The following RIPOR3 variants were observed in gnomAD, a reference collection of about 807,000 sequenced individuals.
RIPOR3 encodes RIPOR family member 3.
In RIPOR3, 95 loss-of-function variants were observed where a neutral mutation model predicts 114.3. That is an observed-to-expected ratio of 0.83 (90% confidence interval 0.70 to 0.99). RIPOR3 has a LOEUF of 0.99. Among genes scored for constraint, RIPOR3 ranks in the 50% least tolerant of loss-of-function variants. The pLI, the probability that RIPOR3 is intolerant of heterozygous loss-of-function variation, is 0.00. For missense variants in RIPOR3, 1,252 were observed against 1,266.9 expected, an observed-to-expected ratio of 0.99 and a Z score of 0.18; for synonymous variants, 575 against 543.8, an observed-to-expected ratio of 1.06 and a Z score of -0.80.
At chr20:50,639,388 C>T (rs548908840) in intron 1 of RIPOR3, among the ~76,000 whole-genome samples, 104 of 152,294 alleles carry the variant, frequency 6.8e-4, no homozygotes, top group Middle Eastern at 6.8e-3. Context: ...GCTCTGCCCC[C>T]GCTGAGCAGA....
At position 50,587,866 on chromosome 20, in the gene RIPOR3, G is replaced by A. The variant is rs746226946; in HGVS notation, c.2688C>T (p.Ala896=). The A allele has an allele frequency of 2.5e-6, 4 of 1,614,148 alleles. No individual in the cohort carries two copies. Among genetic ancestry groups the A allele is most frequent in the South Asian group, 2.2e-5 (2 of 91,082 alleles). Residue 896 remains alanine (A), a synonymous_variant, in exon 21 of 22, where the codon GCC becomes GCT. Coordinates refer to ENST00000327979, the MANE Select transcript of RIPOR3 (RefSeq NM_001290268.2). ...LKGIESIDQT[A]SLCQSDLEAV... ...CCTCCAGGTCAGACTGGCACAGGCT[G>A]GCAGTCTGGTCGATGCTTTCAATGC...
intron 1 of RIPOR3, among the ~76,000 whole-genome samples, chr20:50,689,972 G>C (rs1332152864): frequency 6.6e-6 from 1 of 152,220 alleles, no homozygotes; most frequent in African/African-American, 2.4e-5. Flanking sequence ...CCTGCTGTGT[G>C]TTTCCTGGCC....
intron 1 of RIPOR3, among the ~76,000 whole-genome samples, chr20:50,654,805 G>T (rs779017188): frequency 6.6e-5 from 10 of 152,074 alleles, no homozygotes; most frequent in Non-Finnish European, 1.2e-4. Context: ...GTGTACAGTG[G>T]TGCCATCACC....
intron 1 of RIPOR3, among the ~76,000 whole-genome samples, chr20:50,676,091 C>T (rs565106136): frequency 7.3e-4 from 111 of 152,282 alleles, no homozygotes; most frequent in Non-Finnish European, 1.3e-3. Flanking sequence ...GTTTTTCCAC[C>T]AGGAAACAAG....
At chr20:50,665,421 C>CTTTATT (rs2086153337) in intron 1 of RIPOR3, among the ~76,000 whole-genome samples, 1 of 107,856 alleles carries the variant, frequency 9.3e-6, no homozygotes, top group Non-Finnish European at 1.8e-5. Context: ...CCCCCTCTTC[C>CTTTATT]TTTTTTTTTT....
intron 2 of RIPOR3, among the ~76,000 whole-genome samples, chr20:50,621,673 C>T (rs2084410167): frequency 6.6e-6 from 1 of 152,152 alleles, no homozygotes; most frequent in South Asian, 2.1e-4. Flanking sequence ...TGTAGGGAAA[C>T]TGGGGCCAAC....
At chr20:50,640,268 G>C (rs2085140909) in intron 1 of RIPOR3, among the ~76,000 whole-genome samples, 2 of 151,940 alleles carry the variant, frequency 1.3e-5, no homozygotes, top group Non-Finnish European at 2.9e-5. Flanking sequence ...AAAGCCTGTA[G>C]GTCTGAGACC....
At chr20:50,593,237 C>T (rs1376631990) in intron 17 of RIPOR3, 41 bp from the exon 18 acceptor site, 4 of 1,590,490 alleles carry the variant, frequency 2.5e-6, no homozygotes, top group Non-Finnish European at 2.6e-6. Flanking sequence ...ACTGAGACCT[C>T]GACCCTCCAC....
At chr20:50,635,835 C>G (rs1436888727) in intron 1 of RIPOR3, among the ~76,000 whole-genome samples, 1 of 152,242 alleles carries the variant, frequency 6.6e-6, no homozygotes, top group Non-Finnish European at 1.5e-5. Context: ...TGTGCTTGCT[C>G]CCGCAGCTCT....
At chr20:50,651,400 C>T (rs1464640659) in intron 1 of RIPOR3, among the ~76,000 whole-genome samples, 2 of 152,228 alleles carry the variant, frequency 1.3e-5, no homozygotes, top group Non-Finnish European at 2.9e-5. Context: ...TGGACCAACA[C>T]AGCTGTGAGC....
chr20:50,690,618 A>G (rs905618678), intron 1 of RIPOR3, among the ~76,000 whole-genome samples: 1 of 152,174 alleles, frequency 6.6e-6, no homozygotes, highest in Non-Finnish European at 1.5e-5. Flanking sequence ...GGGGGTGTAC[A>G]GGAGAGTTTA....
chr20:50,667,286 CTTTTTTTTTTTTTT>C (rs139859156), intron 1 of RIPOR3, among the ~76,000 whole-genome samples: 8 of 67,542 alleles, frequency 1.2e-4, no homozygotes, highest in Non-Finnish European at 2.2e-4. Flanking sequence ...CTTTAAACTA[CTTTTTTTTTTTTTT>C]TTTTTTTTTT....
At chr20:50,592,241 C>T in intron 19 of RIPOR3, 103 bp downstream of exon 19, 1 of 1,213,570 alleles carries the variant, frequency 8.2e-7, no homozygotes, top group Non-Finnish European at 1.1e-6. Flanking sequence ...ACAGCTACTG[C>T]AGCCCCTGGC....
chr20:50,680,180 C>T (rs951210573), intron 1 of RIPOR3, among the ~76,000 whole-genome samples: 2 of 152,192 alleles, frequency 1.3e-5, no homozygotes, highest in Non-Finnish European at 2.9e-5. Context: ...TCAACTGAAG[C>T]CTGCATCTGA....
At chr20:50,664,613 C>T (rs560479307) in intron 1 of RIPOR3, among the ~76,000 whole-genome samples, 119 of 152,286 alleles carry the variant, frequency 7.8e-4, no homozygotes, top group African/African-American at 2.5e-3. Context: ...AATCACTCAA[C>T]GCTCAGAGCT....
chr20:50,617,158 G>C (rs1342344819), intron 3 of RIPOR3, among the ~76,000 whole-genome samples: 1 of 152,038 alleles, frequency 6.6e-6, no homozygotes, highest in African/African-American at 2.4e-5. Context: ...AGAAGGTGGG[G>C]GGCGTCTAGA....
At chr20:50,639,311 C>A (rs957356396) in intron 1 of RIPOR3, among the ~76,000 whole-genome samples, 18 of 152,058 alleles carry the variant, frequency 1.2e-4, no homozygotes, top group African/African-American at 4.1e-4. Context: ...TTGTGCAGTG[C>A]CAGGCATTGC....
intron 4 of RIPOR3, among the ~76,000 whole-genome samples, chr20:50,611,904 A>T (rs2083991932): frequency 6.6e-6 from 1 of 152,134 alleles, no homozygotes; most frequent in African/African-American, 2.4e-5. Context: ...TGGTCAGATC[A>T]CTTGAGGTCA....
chr20:50,610,424 A>T (rs1369218921), intron 6 of RIPOR3, among the ~76,000 whole-genome samples: 1 of 152,190 alleles, frequency 6.6e-6, no homozygotes, highest in Non-Finnish European at 1.5e-5. Flanking sequence ...TGTGGGGAGT[A>T]AAGCAAGATC....
Sources: gnomAD v4.1 joint callset for allele counts (sites outside exome capture counted in the v4.1 genomes callset) on GRCh38, gnomAD v4.1.1 for gene constraint, MANE v1.5 for transcripts, NCBI Gene and HGNC (gene_info 2026-07-23, HGNC 2026-07-21) for gene names.